The following ENTREP2 variants were observed in gnomAD, a reference collection of about 807,000 sequenced individuals.
ENTREP2 encodes the protein protein ENTREP2.
the ENTREP2 span, among the ~76,000 whole-genome samples, chr15:29,342,891 T>TA: frequency 6.6e-6 from 1 of 152,202 alleles, no homozygotes; most frequent in Non-Finnish European, 1.5e-5. Flanking sequence ...GTTTGGTACT[T>TA]TGCTTCTAAG....
the ENTREP2 span, among the ~76,000 whole-genome samples, chr15:29,345,289 C>T: frequency 2.0e-5 from 3 of 152,292 alleles, no homozygotes; most frequent in African/African-American, 4.8e-5. Context: ...TGAAGTTCCT[C>T]GTGACCCTTA....
the ENTREP2 span, among the ~76,000 whole-genome samples, chr15:29,418,283 T>C: frequency 6.6e-6 from 1 of 152,226 alleles, no homozygotes; most frequent in African/African-American, 2.4e-5. Context: ...TTAAGGGCTT[T>C]ATCCAGATAT....
the ENTREP2 span, among the ~76,000 whole-genome samples, chr15:29,134,954 A>G: frequency 2.0e-5 from 3 of 152,224 alleles, no homozygotes; most frequent in East Asian, 5.8e-4. Flanking sequence ...GCCCGGTACC[A>G]GTGCCTGGCC....
the ENTREP2 span, among the ~76,000 whole-genome samples, chr15:29,619,581 G>A: frequency 4.6e-5 from 7 of 152,144 alleles, no homozygotes; most frequent in South Asian, 1.2e-3. Flanking sequence ...AGTGCCTCTA[G>A]AGGGACAGAC....
chr15:29,468,609 T>TAA, the ENTREP2 span, among the ~76,000 whole-genome samples: 1 of 58,336 alleles, frequency 1.7e-5, no homozygotes. Context: ...AAACTCCATC[T>TAA]CAAAAAAAAA....
the ENTREP2 span, among the ~76,000 whole-genome samples, chr15:29,170,952 G>A: frequency 6.6e-6 from 1 of 152,192 alleles, no homozygotes; most frequent in Admixed American, 6.5e-5. Flanking sequence ...GGAAGTCCTA[G>A]AGCATGGGGC....
chr15:29,348,178 A>T, the ENTREP2 span, among the ~76,000 whole-genome samples: 1 of 152,198 alleles, frequency 6.6e-6, no homozygotes, highest in Non-Finnish European at 1.5e-5. Flanking sequence ...ATATCTGTGT[A>T]TGTCTTCAAT....
the ENTREP2 span, among the ~76,000 whole-genome samples, chr15:29,435,080 T>A: frequency 2.0e-5 from 3 of 152,058 alleles, no homozygotes; most frequent in African/African-American, 4.8e-5. Context: ...CTCCCCATTT[T>A]CCCCTCTTCC....
chr15:29,524,373 T>C, the ENTREP2 span, among the ~76,000 whole-genome samples: 1 of 152,108 alleles, frequency 6.6e-6, no homozygotes, highest in East Asian at 1.9e-4. Context: ...AGAAAATACA[T>C]GTGTTGGTGA....
chr15:29,185,406 C>T, the ENTREP2 span, among the ~76,000 whole-genome samples: 2 of 152,334 alleles, frequency 1.3e-5, no homozygotes, highest in South Asian at 4.1e-4. Flanking sequence ...GTCATGAAAA[C>T]TTCCAACAGC....
the ENTREP2 span, among the ~76,000 whole-genome samples, chr15:29,215,137 A>G: frequency 6.6e-6 from 1 of 152,126 alleles, no homozygotes; most frequent in Non-Finnish European, 1.5e-5. Context: ...AGGTGCATAT[A>G]TGTTTAGGAC....
the ENTREP2 span, among the ~76,000 whole-genome samples, chr15:29,673,063 TA>T: frequency 6.6e-6 from 1 of 152,096 alleles, no homozygotes; most frequent in Non-Finnish European, 1.5e-5. Flanking sequence ...TTTTAGACCA[TA>T]GGGGGTAACT....
At chr15:29,263,896 C>T in the ENTREP2 span, among the ~76,000 whole-genome samples, 4 of 152,090 alleles carry the variant, frequency 2.6e-5, no homozygotes, top group Admixed American at 1.3e-4. Context: ...CGGTGGCTCA[C>T]GCCTACAATC....
the ENTREP2 span, among the ~76,000 whole-genome samples, chr15:29,232,870 A>G: frequency 3.9e-5 from 6 of 152,230 alleles, no homozygotes; most frequent in South Asian, 1.0e-3. Flanking sequence ...AGACTTAACT[A>G]AGATTACTTA....
At chr15:29,325,782 A>G in the ENTREP2 span, among the ~76,000 whole-genome samples, 7 of 152,294 alleles carry the variant, frequency 4.6e-5, no homozygotes, top group African/African-American at 1.4e-4. Context: ...CCAAAACCAG[A>G]TACATAGAGC....
the ENTREP2 span, among the ~76,000 whole-genome samples, chr15:29,365,353 A>G: frequency 6.6e-6 from 1 of 151,542 alleles, no homozygotes; most frequent in East Asian, 1.9e-4. Flanking sequence ...CCTGATTTCA[A>G]GAGATCCTTC....
the ENTREP2 span, among the ~76,000 whole-genome samples, chr15:29,224,907 A>G: frequency 2.0e-5 from 3 of 152,174 alleles, no homozygotes; most frequent in African/African-American, 4.8e-5. Flanking sequence ...AGGCTCAGGC[A>G]TGGCGGGCTG....
chr15:29,337,235 G>C, the ENTREP2 span, among the ~76,000 whole-genome samples: 12 of 152,210 alleles, frequency 7.9e-5, no homozygotes, highest in Non-Finnish European at 1.5e-4. Flanking sequence ...AAAGCATGGA[G>C]CTGAAGAGTG....
At chr15:29,517,418 C>A in the ENTREP2 span, among the ~76,000 whole-genome samples, 1 of 152,126 alleles carries the variant, frequency 6.6e-6, no homozygotes, top group Non-Finnish European at 1.5e-5. Flanking sequence ...GATTTGAACC[C>A]AGCTGTCTGG....
Sources: gnomAD v4.1 joint callset for allele counts (sites outside exome capture counted in the v4.1 genomes callset) on GRCh38, gnomAD v4.1.1 for gene constraint, MANE v1.5 for transcripts, NCBI Gene and HGNC (gene_info 2026-07-23, HGNC 2026-07-21) for gene names.